The following GRM7 variants were observed in gnomAD, a reference collection of about 807,000 sequenced individuals.
GRM7 encodes glutamate metabotropic receptor 7.
In GRM7, 35 loss-of-function variants were observed where a neutral mutation model predicts 84.5. The observed-to-expected ratio is 0.41, with a 90% CI of 0.32 to 0.55. GRM7 has a LOEUF of 0.55. Ranked by LOEUF, GRM7 falls within the 20% of genes least tolerant of loss-of-function variation. The probability of loss-of-function intolerance (pLI) is 0.19; values close to 1 mark genes in which losing one functional copy is unlikely to be tolerated. For missense variants in GRM7, 1,003 were observed against 1,194.6 expected (o/e 0.84, Z 2.36); for synonymous variants, 487 against 455.1 (o/e 1.07, Z -0.89).
chr3:7,587,934 G>T (rs1456115882), intron 8 of GRM7, among the ~76,000 whole-genome samples: 1 of 152,068 alleles, frequency 6.6e-6, no homozygotes. Context: ...AAGAACGTTA[G>T]ATGGGAACTC....
intron 1 of GRM7, among the ~76,000 whole-genome samples, chr3:6,957,233 A>G (rs1693095173): frequency 1.3e-5 from 2 of 152,170 alleles, no homozygotes; most frequent in South Asian, 2.1e-4. Context: ...CCATTTAGTT[A>G]AAATTAATCT....
At chr3:7,643,944 C>CT (rs1190672906) in intron 8 of GRM7, among the ~76,000 whole-genome samples, 2 of 151,416 alleles carry the variant, frequency 1.3e-5, no homozygotes, top group Non-Finnish European at 2.9e-5. Context: ...CATGGTCTTG[C>CT]TTTTCTACAT....
At chr3:7,355,489 G>A (rs953863463) in intron 4 of GRM7, among the ~76,000 whole-genome samples, 2 of 152,116 alleles carry the variant, frequency 1.3e-5, no homozygotes, top group African/African-American at 4.8e-5. Flanking sequence ...GAAGGCTTCT[G>A]TAGGTGAATC....
At chr3:7,011,712 G>A (rs1695374096) in intron 1 of GRM7, among the ~76,000 whole-genome samples, 1 of 152,082 alleles carries the variant, frequency 6.6e-6, no homozygotes, top group African/African-American at 2.4e-5. Context: ...GGCAAACCTG[G>A]GAACAGAAAG....
intron 1 of GRM7, among the ~76,000 whole-genome samples, chr3:7,083,404 G>A (rs9816583): frequency 0.49 from 74,158 of 151,924 alleles, 19,144 homozygotes; most frequent in African/African-American, 0.67. Context: ...AATACAGTGT[G>A]AACACAATTT....
intron 8 of GRM7, among the ~76,000 whole-genome samples, chr3:7,650,829 T>C (rs1698900304): frequency 6.6e-6 from 1 of 152,228 alleles, no homozygotes; most frequent in Non-Finnish European, 1.5e-5. Context: ...GAGATTCTCC[T>C]GCCTCAGCCT....
At chr3:7,005,928 T>C (rs1339238701) in intron 1 of GRM7, among the ~76,000 whole-genome samples, 4 of 152,152 alleles carry the variant, frequency 2.6e-5, no homozygotes, top group Admixed American at 6.5e-5. Flanking sequence ...TGAGGAATGC[T>C]CAGACTGGCC....
In GRM7 at chr3:7,365,640, C is replaced by T. The variant is rs139767241; in HGVS notation, c.1034-49383C>T. ...CTGATTTAATATGCATGTGTGTGTG[C>T]GTGTGTGTATATATATATATATATA... On this transcript the variant is annotated intron_variant, in intron 4 of 9. Coordinates refer to ENST00000357716, the MANE Select transcript of GRM7 (RefSeq NM_000844.4). 8.0e-4 allele frequency among the ~76,000 whole-genome samples: 81 copies of T among 100,848 alleles called. 1 individual carries two copies. Among genetic ancestry groups the T allele is most frequent in the African/African-American group, 3.1e-3 (77 of 25,120 alleles). The allele number at this position is 100,848 out of a possible 152,430, so 66.2% of individuals were successfully genotyped here. A position where few individuals can be genotyped will look rare whatever the true frequency, so the allele number is the denominator to read the frequency against.
At chr3:7,184,409 G>A (rs1437774310) in intron 2 of GRM7, among the ~76,000 whole-genome samples, 2 of 151,754 alleles carry the variant, frequency 1.3e-5, no homozygotes, top group Non-Finnish European at 2.9e-5. Flanking sequence ...AAATAAATAT[G>A]TTAAAATTGT....
intron 1 of GRM7, among the ~76,000 whole-genome samples, chr3:7,138,306 G>A (rs1023552198): frequency 2.6e-5 from 4 of 151,982 alleles, no homozygotes; most frequent in Admixed American, 1.3e-4. Flanking sequence ...TCAACAAGAC[G>A]TTAGACCCTT....
At chr3:7,475,736 G>A (rs1042252296) in intron 7 of GRM7, among the ~76,000 whole-genome samples, 3 of 152,150 alleles carry the variant, frequency 2.0e-5, no homozygotes, top group Non-Finnish European at 4.4e-5. Flanking sequence ...AAGATTTTCT[G>A]GAAGCCTTGC....
At chr3:7,047,102 T>A (rs545604057) in intron 1 of GRM7, among the ~76,000 whole-genome samples, 116 of 152,082 alleles carry the variant, frequency 7.6e-4, no homozygotes, top group Non-Finnish European at 1.3e-3. Flanking sequence ...CAGAAGAATT[T>A]AGTCTATGAG....
chr3:6,996,458 G>A (rs528841034), intron 1 of GRM7, among the ~76,000 whole-genome samples: 2 of 152,302 alleles, frequency 1.3e-5, no homozygotes, highest in Admixed American at 1.3e-4. Context: ...TTTGTAAAGT[G>A]TGATTGTTAT....
At chr3:7,029,158 G>T (rs1273751805) in intron 1 of GRM7, among the ~76,000 whole-genome samples, 6 of 152,014 alleles carry the variant, frequency 3.9e-5, no homozygotes, top group African/African-American at 1.2e-4. Flanking sequence ...ACAAAAATTA[G>T]TTTGGTGTGG....
At chr3:7,620,889 A>G (rs1254714573) in intron 8 of GRM7, among the ~76,000 whole-genome samples, 2 of 152,180 alleles carry the variant, frequency 1.3e-5, no homozygotes, top group East Asian at 3.9e-4. Flanking sequence ...TGGTGATGGT[A>G]AAAACCACAA....
intron 8 of GRM7, among the ~76,000 whole-genome samples, chr3:7,602,607 C>T (rs1696371917): frequency 6.6e-6 from 1 of 152,142 alleles, no homozygotes; most frequent in African/African-American, 2.4e-5. Context: ...CATAATTAGC[C>T]TTCCATTGAT....
At chr3:7,361,265 C>T (rs1246826651) in intron 4 of GRM7, among the ~76,000 whole-genome samples, 1 of 152,046 alleles carries the variant, frequency 6.6e-6, no homozygotes, top group Non-Finnish European at 1.5e-5. Flanking sequence ...AGTACCTTCT[C>T]AGAATTTTAT....
intron 4 of GRM7, among the ~76,000 whole-genome samples, chr3:7,394,962 C>T (rs138880203): frequency 6.6e-6 from 1 of 151,424 alleles, no homozygotes; most frequent in Non-Finnish European, 1.5e-5. Context: ...TGCTTGAACC[C>T]AGGAGGTGGA....
In GRM7 at chr3:7,088,118, G is replaced by A. The variant is rs73029575; in HGVS notation, c.520-58334G>A. On this transcript the variant is annotated intron_variant, in intron 1 of 9. Transcript: ENST00000357716. ...AAATTACTGTGAAGTATTTAGCAAT[G>A]AACCTGCGGATGATCCATAGGAGTT... Among the ~76,000 whole-genome samples, 409 of 152,062 alleles carry A rather than the reference G, an allele frequency of 2.7e-3. 3 individuals are homozygous for A. The highest frequency in any genetic ancestry group is 4.9e-3 in the Non-Finnish European group (331 of 68,006).
Sources: gnomAD v4.1 joint callset for allele counts (sites outside exome capture counted in the v4.1 genomes callset) on GRCh38, gnomAD v4.1.1 for gene constraint, MANE v1.5 for transcripts, NCBI Gene and HGNC (gene_info 2026-07-23, HGNC 2026-07-21) for gene names.